TTLL5: variants seen among roughly 807,000 people sequenced by gnomAD.
TTLL5 encodes the protein tubulin tyrosine ligase like 5.
In TTLL5, 132 loss-of-function variants were observed where a neutral mutation model predicts 168.4. That is an observed-to-expected ratio of 0.78 (90% confidence interval 0.68 to 0.91). The LOEUF is 0.91. Among genes scored for constraint, TTLL5 ranks in the 40% least tolerant of loss-of-function variants. The pLI, the probability that TTLL5 is intolerant of heterozygous loss-of-function variation, is 0.00. For missense variants in TTLL5, 1,545 were observed against 1,581.5 expected (o/e 0.98, Z 0.39); for synonymous variants, 546 against 558.6 (o/e 0.98, Z 0.32).
intron 30 of TTLL5, among the ~76,000 whole-genome samples, chr14:75,885,204 A>T (rs61501180): frequency 6.9e-6 from 1 of 144,700 alleles, no homozygotes; most frequent in Non-Finnish European, 1.5e-5. Context: ...TAAAATAAAA[A>T]AACTGGCCAG....
chr14:75,844,614 T>A (rs930657007), intron 28 of TTLL5, among the ~76,000 whole-genome samples: 6 of 152,144 alleles, frequency 3.9e-5, no homozygotes, highest in African/African-American at 1.4e-4. Context: ...TCTCAACAGG[T>A]TGCTATGAAG....
At chr14:75,952,235 A>G (rs2140224136) in intron 31 of TTLL5, among the ~76,000 whole-genome samples, 1 of 152,272 alleles carries the variant, frequency 6.6e-6, no homozygotes, top group South Asian at 2.1e-4. Flanking sequence ...AGTGGTCAGC[A>G]GCCACCAGCT....
chr14:75,673,665 G>A (rs1176547267), intron 3 of TTLL5, among the ~76,000 whole-genome samples: 12 of 152,290 alleles, frequency 7.9e-5, no homozygotes, highest in South Asian at 4.1e-4. Flanking sequence ...CATAGTAGGC[G>A]CTCAAAACTT....
At chr14:75,761,998 C>T (rs1031786727) in intron 18 of TTLL5, among the ~76,000 whole-genome samples, 1 of 151,768 alleles carries the variant, frequency 6.6e-6, no homozygotes, top group African/African-American at 2.4e-5. Context: ...ATATACGTGA[C>T]GAAACAAAAT....
At chr14:75,781,051 A>G (rs902177056) in intron 24 of TTLL5, among the ~76,000 whole-genome samples, 12 of 152,176 alleles carry the variant, frequency 7.9e-5, no homozygotes, top group Non-Finnish European at 1.3e-4. Context: ...GTTTTGGCTA[A>G]GGGAGACAAA....
chr14:75,883,597 A>G (rs1413438314), intron 30 of TTLL5, among the ~76,000 whole-genome samples: 1 of 152,252 alleles, frequency 6.6e-6, no homozygotes, highest in Non-Finnish European at 1.5e-5. Flanking sequence ...GAAGATCAAT[A>G]TTAGTTGTGA....
intron 9 of TTLL5, among the ~76,000 whole-genome samples, chr14:75,717,507 T>C (rs1887547557): frequency 6.6e-6 from 1 of 152,216 alleles, no homozygotes; most frequent in South Asian, 2.1e-4. Flanking sequence ...TCAATTTTCA[T>C]TCTTCCTATT....
chr14:75,788,854 CAAAAT>C (rs1433663488), intron 26 of TTLL5, among the ~76,000 whole-genome samples: 4 of 151,930 alleles, frequency 2.6e-5, no homozygotes, highest in African/African-American at 9.7e-5. Flanking sequence ...AAATTTGAAT[CAAAAT>C]AAAAGCCAAT....
chr14:75,928,362 T>TATATATATATATATATAC (rs1320038817), intron 31 of TTLL5, among the ~76,000 whole-genome samples: 1 of 140,996 alleles, frequency 7.1e-6, no homozygotes, highest in Non-Finnish European at 1.5e-5. Context: ...TATATATATA[T>TATATATATATATATATAC]ATATATCACT....
chr14:75,883,632 G>A (rs1243394139), intron 30 of TTLL5, among the ~76,000 whole-genome samples: 1 of 152,208 alleles, frequency 6.6e-6, no homozygotes, highest in Non-Finnish European at 1.5e-5. Flanking sequence ...CATAGAAAAA[G>A]TCATTACTGT....
rs576912027 is a variant in TTLL5, at chr14:75,945,258, TA to T, written c.3824-9157del. On this transcript the variant is annotated intron_variant, in intron 31 of 31. Transcript: ENST00000298832. ...TATTTTTTATAATATATATTATATA[TA>T]AAAAAAAATTTTTTTTGAGACGGAG... 1.8e-3 allele frequency among the ~76,000 whole-genome samples: 267 copies of T among 147,850 alleles called. 1 individual carries two copies. Among genetic ancestry groups the T allele is most frequent in the African/African-American group, 5.8e-3 (236 of 40,680 alleles).
At chr14:75,743,079 G>T (rs1363787812) in intron 15 of TTLL5, among the ~76,000 whole-genome samples, 2 of 152,116 alleles carry the variant, frequency 1.3e-5, no homozygotes, top group Non-Finnish European at 2.9e-5. Flanking sequence ...AATATTTCTT[G>T]ATTGACTTCA....
At chr14:75,814,802 A>C (rs1894290075) in intron 27 of TTLL5, 1 of 152,218 alleles carries the variant, frequency 6.6e-6, no homozygotes, top group African/African-American at 2.4e-5. Flanking sequence ...GCTGTGCAAT[A>C]AGGTAACCAC....
intron 6 of TTLL5, among the ~76,000 whole-genome samples, chr14:75,698,895 G>T (rs1364880466): frequency 1.3e-5 from 2 of 149,288 alleles, no homozygotes; most frequent in Non-Finnish European, 3.0e-5. Flanking sequence ...ACAGAGCAAA[G>T]ACCCTGCCTT....
intron 31 of TTLL5, among the ~76,000 whole-genome samples, chr14:75,911,714 A>AT (rs2033394940): frequency 6.6e-6 from 1 of 152,238 alleles, no homozygotes; most frequent in Non-Finnish European, 1.5e-5. Context: ...GCTTCAAATT[A>AT]TATTAGGCAA....
At chr14:75,715,277 T>C (rs1171904145) in intron 9 of TTLL5, among the ~76,000 whole-genome samples, 1 of 150,138 alleles carries the variant, frequency 6.7e-6, no homozygotes, top group Non-Finnish European at 1.5e-5. Context: ...TTTTTTTTTT[T>C]TTTTTTTTTG....
At chr14:75,704,086 A>AC (rs906641397) in intron 7 of TTLL5, among the ~76,000 whole-genome samples, 4 of 152,328 alleles carry the variant, frequency 2.6e-5, no homozygotes, top group Admixed American at 2.6e-4. Flanking sequence ...CCATATATGA[A>AC]CCCTATGAGG....
intron 14 of TTLL5, 41 bp from the exon 15 acceptor site, chr14:75,735,154 T>C: frequency 4.4e-6 from 7 of 1,589,994 alleles, no homozygotes; most frequent in Non-Finnish European, 6.0e-6. Context: ...GCTAATTTCT[T>C]AGAAAATGGC....
chr14:75,931,079 G>C (rs765359638), intron 31 of TTLL5, among the ~76,000 whole-genome samples: 6 of 152,134 alleles, frequency 3.9e-5, no homozygotes, highest in Non-Finnish European at 8.8e-5. Flanking sequence ...TTCCAAACCT[G>C]TTCCTCCAGC....
Sources: gnomAD v4.1 joint callset for allele counts (sites outside exome capture counted in the v4.1 genomes callset) on GRCh38, gnomAD v4.1.1 for gene constraint, MANE v1.5 for transcripts, NCBI Gene and HGNC (gene_info 2026-07-23, HGNC 2026-07-21) for gene names.